The following CCDC171 variants were observed in gnomAD, a reference collection of about 807,000 sequenced individuals.
CCDC171 encodes the protein coiled-coil domain-containing protein 171.
A neutral mutation model predicts 168.2 loss-of-function variants in CCDC171; 177 were observed. The ratio of observed to expected loss-of-function variants is 1.05; its 90% CI spans 0.93 to 1.19. CCDC171 has a LOEUF of 1.19. Ranked by LOEUF, CCDC171 falls within the 50% of genes most tolerant of loss-of-function variation. CCDC171 has a pLI of 0.00. For synonymous variants in CCDC171, 687 were observed against 540.8 expected, an observed-to-expected ratio of 1.27 and a Z score of -3.75; for missense variants, 1,991 against 1,539.0, an observed-to-expected ratio of 1.29 and a Z score of -4.91.
chr9:15,695,556 G>T (rs1184127169), intron 11 of CCDC171, among the ~76,000 whole-genome samples: 1 of 152,176 alleles, frequency 6.6e-6, no homozygotes, highest in African/African-American at 2.4e-5. Context: ...TGATTTACAA[G>T]TGTTGGGGTG....
the CCDC171 span, among the ~76,000 whole-genome samples, chr9:16,101,745 C>T: frequency 2.0e-5 from 3 of 152,194 alleles, no homozygotes; most frequent in African/African-American, 4.8e-5. Flanking sequence ...GAAGAGTGGT[C>T]AGCCCCTAGG....
intron 9 of CCDC171, among the ~76,000 whole-genome samples, chr9:15,669,968 A>G (rs1002264078): frequency 2.0e-5 from 3 of 151,452 alleles, no homozygotes; most frequent in Non-Finnish European, 4.4e-5. Flanking sequence ...AAAAAAAAAA[A>G]AAAAAAGAAT....
At chr9:15,573,046 C>T (rs1180736475) in intron 3 of CCDC171, among the ~76,000 whole-genome samples, 1 of 152,116 alleles carries the variant, frequency 6.6e-6, no homozygotes, top group Non-Finnish European at 1.5e-5. Context: ...GTAATCTCAG[C>T]TACTTGGGAG....
At chr9:16,099,080 T>A in the CCDC171 span, among the ~76,000 whole-genome samples, 1 of 152,230 alleles carries the variant, frequency 6.6e-6, no homozygotes, top group Non-Finnish European at 1.5e-5. Flanking sequence ...ATCCAGTTGA[T>A]TCCAGACTGT....
At chr9:15,628,853 C>A (rs1049985841) in intron 7 of CCDC171, among the ~76,000 whole-genome samples, 4 of 152,202 alleles carry the variant, frequency 2.6e-5, no homozygotes, top group Non-Finnish European at 5.9e-5. Flanking sequence ...AACGATCAGA[C>A]AGCAGCATTA....
At chr9:15,610,915 C>T (rs2043636100) in intron 6 of CCDC171, among the ~76,000 whole-genome samples, 1 of 152,038 alleles carries the variant, frequency 6.6e-6, no homozygotes, top group South Asian at 2.1e-4. Context: ...CTGAGTTTCA[C>T]ATGAGAAGTG....
intron 10 of CCDC171, among the ~76,000 whole-genome samples, chr9:15,687,042 A>C (rs559646097): frequency 6.6e-5 from 10 of 152,216 alleles, no homozygotes; most frequent in Non-Finnish European, 1.3e-4. Flanking sequence ...AAAAGGATTG[A>C]AATCATACAA....
chr9:15,817,471 C>A (rs982962205), intron 21 of CCDC171, among the ~76,000 whole-genome samples: 1 of 117,998 alleles, frequency 8.5e-6, no homozygotes, highest in East Asian at 2.1e-4. Flanking sequence ...CAGAGGGCAC[C>A]TGGAAAATTG....
chr9:15,963,648 G>A (rs926204831), intron 25 of CCDC171, among the ~76,000 whole-genome samples: 12 of 152,134 alleles, frequency 7.9e-5, no homozygotes, highest in Non-Finnish European at 1.8e-4. Flanking sequence ...GGGATGTGTT[G>A]CATTGTATTT....
intron 11 of CCDC171, among the ~76,000 whole-genome samples, chr9:15,701,427 A>T (rs1428028603): frequency 6.6e-6 from 1 of 152,118 alleles, no homozygotes; most frequent in East Asian, 1.9e-4. Context: ...ATACAGGAAG[A>T]GGGGTCTACT....
At chr9:15,859,391 G>T (rs546964039) in intron 23 of CCDC171, among the ~76,000 whole-genome samples, 1 of 151,930 alleles carries the variant, frequency 6.6e-6, no homozygotes, top group East Asian at 1.9e-4. Flanking sequence ...TCAGGAAGAT[G>T]CTGGTCTCAT....
chr9:16,077,294 G>A, the CCDC171 span, among the ~76,000 whole-genome samples: 2 of 152,204 alleles, frequency 1.3e-5, no homozygotes, highest in South Asian at 2.1e-4. Context: ...AATAAGCCAT[G>A]AGTAACTTGA....
At chr9:15,737,473 G>GCACATC (rs2054572184) in intron 16 of CCDC171, among the ~76,000 whole-genome samples, 1 of 152,102 alleles carries the variant, frequency 6.6e-6, no homozygotes. Flanking sequence ...AGAAAGAAGG[G>GCACATC]AGATATAGGA....
intron 23 of CCDC171, among the ~76,000 whole-genome samples, chr9:15,865,950 T>A (rs1346804076): frequency 1.3e-5 from 2 of 151,894 alleles, no homozygotes; most frequent in African/African-American, 4.8e-5. Context: ...CTGGAGTTTC[T>A]TAGAAGAAAA....
At chr9:15,919,720 T>C (rs1000431211) in intron 24 of CCDC171, among the ~76,000 whole-genome samples, 1 of 151,642 alleles carries the variant, frequency 6.6e-6, no homozygotes, top group Non-Finnish European at 1.5e-5. Context: ...TTATGTATAG[T>C]CCAATGTAAG....
chr9:15,828,134 A>C (rs1393760762), intron 21 of CCDC171, among the ~76,000 whole-genome samples: 1 of 152,168 alleles, frequency 6.6e-6, no homozygotes, highest in Non-Finnish European at 1.5e-5. Context: ...GGGGAATGTG[A>C]AAAAGATGAT....
intron 20 of CCDC171, among the ~76,000 whole-genome samples, chr9:15,784,240 A>G (rs2057820652): frequency 6.6e-6 from 1 of 152,154 alleles, no homozygotes; most frequent in Non-Finnish European, 1.5e-5. Context: ...GAAAATTTAA[A>G]CTGAGCATCA....
At chr9:15,700,388 G>A (rs558907371) in intron 11 of CCDC171, among the ~76,000 whole-genome samples, 3 of 152,318 alleles carry the variant, frequency 2.0e-5, no homozygotes, top group Admixed American at 1.3e-4. Flanking sequence ...GCCTGCAAGC[G>A]CTGCGCGCAG....
intron 7 of CCDC171, among the ~76,000 whole-genome samples, chr9:15,624,587 T>G (rs1320690726): frequency 1.3e-5 from 2 of 152,120 alleles, no homozygotes; most frequent in East Asian, 1.9e-4. Flanking sequence ...CTTGCAATAG[T>G]TTGCTCAGAA....
Sources: allele counts gnomAD v4.1 joint callset (sites outside exome capture counted in the v4.1 genomes callset), GRCh38; gene constraint gnomAD v4.1.1; transcripts MANE v1.5; gene names NCBI Gene and HGNC (gene_info 2026-07-23, HGNC 2026-07-21).